The following NAV2 variants were observed in gnomAD, a reference collection of about 807,000 sequenced individuals.
NAV2 encodes the protein neuron navigator 2.
NAV2 carries 54 observed loss-of-function variants against 223.2 expected under a neutral mutation model. The ratio of observed to expected loss-of-function variants is 0.24; its 90% CI spans 0.19 to 0.30. The LOEUF is 0.30. Ranked by LOEUF, NAV2 falls within the 10% of genes least tolerant of loss-of-function variation. The pLI, the probability that NAV2 is intolerant of heterozygous loss-of-function variation, is 1.00. For missense variants in NAV2, 2,806 were observed against 3,147.5 expected (o/e 0.89, Z 2.60); for synonymous variants, 1,279 against 1,239.3 (o/e 1.03, Z -0.67).
At chr11:19,947,411 T>C (rs549198410) in intron 9 of NAV2, among the ~76,000 whole-genome samples, 1 of 152,346 alleles carries the variant, frequency 6.6e-6, no homozygotes, top group East Asian at 1.9e-4. Context: ...GGTGGTACCC[T>C]CTTAAACCTT....
intron 1 of NAV2, among the ~76,000 whole-genome samples, chr11:19,704,155 G>A (rs975236894): frequency 6.6e-6 from 1 of 152,078 alleles, no homozygotes; most frequent in Non-Finnish European, 1.5e-5. Flanking sequence ...CTGTCTCAGA[G>A]CACGAACATC....
Position 19,724,731 on chromosome 11 carries a change from G to A in NAV2, c.267+10769G>A, listed in dbSNP as rs539342985. Among the ~76,000 whole-genome samples, 5 of 152,330 alleles carry A rather than the reference G, an allele frequency of 3.3e-5. No individual in the cohort carries two copies. In the South Asian group the frequency reaches 1.0e-3, roughly 32 times the overall value. ...ATTCTATGTATGAGGCTCAGAGGAG[G>A]TCAGTAACTTGACCAAGACCACATG... On this transcript the variant is annotated intron_variant, in intron 1 of 37. Transcript: ENST00000349880.
chr11:19,393,769 C>G (rs550281194), intron 1 of NAV2, among the ~76,000 whole-genome samples: 6 of 152,156 alleles, frequency 3.9e-5, no homozygotes, highest in Non-Finnish European at 8.8e-5. Flanking sequence ...TCTCTCTCCT[C>G]TGTGCCTGGT....
chr11:19,457,848 T>G (rs1322910136), intron 1 of NAV2, among the ~76,000 whole-genome samples: 1 of 152,138 alleles, frequency 6.6e-6, no homozygotes, highest in Non-Finnish European at 1.5e-5. Context: ...GCAGATGAGT[T>G]GCAAACTCAT....
chr11:19,467,404 A>G (rs534436249), intron 1 of NAV2, among the ~76,000 whole-genome samples: 1 of 152,356 alleles, frequency 6.6e-6, no homozygotes, highest in Admixed American at 6.5e-5. Flanking sequence ...GATTATTTCC[A>G]TAGAGAAGAT....
At chr11:19,781,659 C>T (rs904225254) in intron 1 of NAV2, among the ~76,000 whole-genome samples, 2 of 152,026 alleles carry the variant, frequency 1.3e-5, no homozygotes, top group African/African-American at 4.8e-5. Flanking sequence ...GTCTGCTTCC[C>T]TGTAGTTATA....
chr11:19,418,129 AC>A (rs1224350858), intron 1 of NAV2, among the ~76,000 whole-genome samples: 2 of 152,136 alleles, frequency 1.3e-5, no homozygotes, highest in Non-Finnish European at 2.9e-5. Context: ...AAACAACAAA[AC>A]AAAAGGGTGT....
intron 1 of NAV2, among the ~76,000 whole-genome samples, chr11:19,488,836 C>T (rs1176613954): frequency 6.6e-6 from 1 of 152,136 alleles, no homozygotes; most frequent in Non-Finnish European, 1.5e-5. Context: ...TTACTATGGG[C>T]AAGGCATGAG....
At chr11:19,601,962 C>T (rs1241623150) in intron 1 of NAV2, among the ~76,000 whole-genome samples, 1 of 152,184 alleles carries the variant, frequency 6.6e-6, no homozygotes, top group African/African-American at 2.4e-5. Context: ...CTACACTGCC[C>T]AGCTCTGAGC....
intron 10 of NAV2, among the ~76,000 whole-genome samples, chr11:19,975,302 C>T (rs999276925): frequency 1.3e-5 from 2 of 152,330 alleles, no homozygotes; most frequent in South Asian, 4.1e-4. Context: ...CAAGCGTAGC[C>T]ATGGATTATA....
intron 5 of NAV2, among the ~76,000 whole-genome samples, chr11:19,886,899 C>T (rs776690314): frequency 4.6e-5 from 7 of 152,108 alleles, no homozygotes; most frequent in Non-Finnish European, 7.4e-5. Context: ...CTTTGAGATA[C>T]GCTTTTGTCT....
chr11:19,726,068 AG>A (rs1378809802), intron 1 of NAV2, among the ~76,000 whole-genome samples: 1 of 152,200 alleles, frequency 6.6e-6, no homozygotes, highest in Non-Finnish European at 1.5e-5. Context: ...GATTAGCATA[AG>A]GGCAGACAGG....
Position 19,948,764 on chromosome 11 carries a change from A to T in NAV2, c.2329A>T (p.Arg777Trp). ...CCGTAGCATACTCAGCTTGACAGGG[A>T]GGCCCACACCTCTGTCCTGGAGACT... ...SGRSILSLTGRPTPLSWRLGQ... is the reference protein window; with the variant it reads ...SGRSILSLTGWPTPLSWRLGQ... Residue 777 changes from arginine (R) to tryptophan (W), a missense_variant, in exon 10 of 38, where the codon AGG (arginine) becomes TGG (tryptophan). By Grantham distance (101) the Arg-to-Trp change is moderately radical. Around this residue, in one of 4 missense-constraint regions of NAV2, gnomAD observed 1,167 missense variants for 1,180.5 expected, o/e 0.99. Coordinates refer to ENST00000349880, the MANE Select transcript of NAV2 (RefSeq NM_145117.5). 6.2e-7 allele frequency: 1 copy of T among 1,612,592 alleles called. No homozygotes were observed. The highest frequency in any genetic ancestry group is 8.5e-7 in the Non-Finnish European group (1 of 1,178,984).
At chr11:20,036,166 G>A (rs1390293871) in intron 12 of NAV2, 69 bp downstream of exon 12, 33 of 1,586,974 alleles carry the variant, frequency 2.1e-5, no homozygotes, top group South Asian at 4.5e-5. Flanking sequence ...GGCTTGTGGG[G>A]TAAGAGGGCC....
chr11:19,606,064 G>T (rs2046469632), intron 1 of NAV2, among the ~76,000 whole-genome samples: 1 of 152,168 alleles, frequency 6.6e-6, no homozygotes, highest in African/African-American at 2.4e-5. Context: ...ATCTGTTTGA[G>T]TTCCACTTAA....
At chr11:19,727,895 T>C (rs1461200967) in intron 1 of NAV2, among the ~76,000 whole-genome samples, 2 of 152,122 alleles carry the variant, frequency 1.3e-5, no homozygotes, top group Non-Finnish European at 2.9e-5. Flanking sequence ...GGAAGGAAGG[T>C]AGTAGAGGAT....
intron 1 of NAV2, among the ~76,000 whole-genome samples, chr11:19,449,186 T>G (rs915968252): frequency 6.6e-6 from 1 of 152,094 alleles, no homozygotes; most frequent in Non-Finnish European, 1.5e-5. Context: ...ATGACCCAGC[T>G]GGGCTCTGAG....
chr11:19,942,261 A>G (rs909898563), intron 8 of NAV2, among the ~76,000 whole-genome samples: 7 of 152,152 alleles, frequency 4.6e-5, no homozygotes, highest in Non-Finnish European at 8.8e-5. Context: ...TGATCACCTA[A>G]GCATGTCAGG....
chr11:19,947,219 C>T (rs2047004618), intron 9 of NAV2, among the ~76,000 whole-genome samples: 2 of 152,232 alleles, frequency 1.3e-5, no homozygotes, highest in Non-Finnish European at 2.9e-5. Context: ...GGCTTCCCCA[C>T]TGTCAGCAGT....
Sources: gnomAD v4.1 joint callset for allele counts (sites outside exome capture counted in the v4.1 genomes callset) on GRCh38, gnomAD v4.1.1 for gene constraint, gnomAD v4.1.1 regional missense constraint, MANE v1.5 for transcripts, NCBI Gene and HGNC (gene_info 2026-07-23, HGNC 2026-07-21) for gene names.